Variants in ASCC2 observed in about 807,000 individuals in gnomAD.
The protein encoded by ASCC2 is ASC-1 complex subunit P100.
Under a neutral mutation model 93.5 loss-of-function variants are expected in ASCC2, and 42 were observed. That is an observed-to-expected ratio of 0.45 (90% CI 0.35 to 0.58). The LOEUF (loss-of-function observed/expected upper bound fraction) is 0.58, where lower values mean the gene tolerates loss of function less well. Among genes scored for constraint, ASCC2 ranks in the 20% least tolerant of loss-of-function variants. The pLI is 0.00. For synonymous variants in ASCC2, 364 were observed against 384.2 expected, an observed-to-expected ratio of 0.95 and a Z score of 0.62; for missense variants, 859 against 977.6, an observed-to-expected ratio of 0.88 and a Z score of 1.62.
chr22:29,827,899 G>GACACACACACACACAC (rs5844872), intron 2 of ASCC2, among the ~76,000 whole-genome samples: 1 of 39,968 alleles, frequency 2.5e-5, no homozygotes, highest in African/African-American at 1.1e-4. Context: ...TCATTCTTCT[G>GACACACACACACACAC]ACACACACAC....
chr22:29,825,038 A>G lies in ASCC2; in HGVS notation c.411+49T>C. 1 of 1,347,368 alleles carries G rather than the reference A, an allele frequency of 7.4e-7. No homozygotes were observed. Among genetic ancestry groups the G allele is most frequent in the Non-Finnish European group, 9.8e-7 (1 of 1,024,958 alleles). 83.5% of individuals were successfully genotyped at this position (1,347,368 alleles called of 1,614,324 possible). A position where few individuals can be genotyped will look rare whatever the true frequency, so the allele number is the denominator to read the frequency against. ...TTCCCAGGGGTGGAGAGCCCGGCAC[A>G]GAGGTGTCGAGTATCGGGTGATGAC... On this transcript the variant is annotated intron_variant, in intron 4 of 19. Coordinates refer to ENST00000307790, the MANE Select transcript of ASCC2 (RefSeq NM_032204.5). This position sits in a 1 kb window ranked among gnomAD's most constrained non-coding sequence, Gnocchi z 4.9.
At chr22:29,828,886 A>C (rs1372146851) in intron 2 of ASCC2, among the ~76,000 whole-genome samples, 1 of 152,190 alleles carries the variant, frequency 6.6e-6, no homozygotes, top group Non-Finnish European at 1.5e-5. Flanking sequence ...TTAATTTTTA[A>C]AATGTTGGCT....
At position 29,788,961 on chromosome 22, in the gene ASCC2, A is replaced by G. The variant is rs7954; in HGVS notation, c.*52T>C. The G allele has an allele frequency of 0.53, 846,300 of 1,609,170 alleles. 228,485 individuals carry two copies. The highest frequency in any genetic ancestry group is 0.72 in the East Asian group (32,037 of 44,800). On this transcript the variant is annotated 3_prime_UTR_variant, in exon 20 of 20. Transcript: ENST00000307790. ...TGAGGAGGCCCCAGGCGATGGGAGCACGGCCTGGTGAGTCTGGTGCCGCTG... is the reference window on the plus strand; with the variant it reads ...TGAGGAGGCCCCAGGCGATGGGAGCGCGGCCTGGTGAGTCTGGTGCCGCTG...
At chr22:29,832,915 A>AT (rs2063337887) in intron 1 of ASCC2, among the ~76,000 whole-genome samples, 1 of 151,946 alleles carries the variant, frequency 6.6e-6, no homozygotes, top group African/African-American at 2.4e-5. Context: ...TAATTTTTTA[A>AT]TTTTTTGTAG....
chr22:29,806,724 GA>G (rs2059716115), intron 10 of ASCC2, 72 bp downstream of exon 10: 1 of 1,480,262 alleles, frequency 6.8e-7, no homozygotes, highest in Non-Finnish European at 9.4e-7. Context: ...AAGCCAAGAT[GA>G]AATAATGGAA....
At chr22:29,821,551 GACATA>G (rs1273862397) in intron 5 of ASCC2, among the ~76,000 whole-genome samples, 1 of 152,224 alleles carries the variant, frequency 6.6e-6, no homozygotes, top group African/African-American at 2.4e-5. Context: ...GGATCCAATT[GACATA>G]ACATATGTGG....
intron 2 of ASCC2, among the ~76,000 whole-genome samples, chr22:29,829,604 C>G (rs189481773): frequency 1.8e-4 from 27 of 152,014 alleles, no homozygotes; most frequent in African/African-American, 6.3e-4. Flanking sequence ...GAGGCTGATG[C>G]AGAAGAATCA....
intron 15 of ASCC2, among the ~76,000 whole-genome samples, chr22:29,796,868 A>G (rs1427340265): frequency 6.6e-6 from 1 of 152,090 alleles, no homozygotes; most frequent in Non-Finnish European, 1.5e-5. Flanking sequence ...TTTCTGCTAC[A>G]CCTTCGGCTT....
intron 12 of ASCC2, 137 bp from the exon 13 acceptor site, chr22:29,804,967 G>T: frequency 2.3e-6 from 2 of 858,826 alleles, no homozygotes; most frequent in Non-Finnish European, 1.8e-6. Context: ...ATAGCCCACG[G>T]GCACCTGGGC....
chr22:29,804,535 C>T, intron 13 of ASCC2, 103 bp downstream of exon 13: 1 of 1,453,098 alleles, frequency 6.9e-7, no homozygotes, highest in Non-Finnish European at 9.3e-7. Flanking sequence ...AACTTTTTCC[C>T]TGAGTATAAA....
intron 14 of ASCC2, 90 bp downstream of exon 14, chr22:29,801,904 T>C (rs972488225): frequency 1.1e-5 from 12 of 1,104,824 alleles, no homozygotes; most frequent in Non-Finnish European, 1.5e-5. Context: ...AGCTGAGTCC[T>C]GGGCCATGAA....
intron 15 of ASCC2, among the ~76,000 whole-genome samples, chr22:29,796,468 CT>C (rs2058456480): frequency 6.6e-6 from 1 of 152,062 alleles, no homozygotes; most frequent in South Asian, 2.1e-4. Flanking sequence ...AGGGAATGAA[CT>C]TGGTTCAGGA....
At chr22:29,822,165 A>T in intron 5 of ASCC2, 170 bp downstream of exon 5, 3 of 772,286 alleles carry the variant, frequency 3.9e-6, no homozygotes, top group Non-Finnish European at 6.3e-6. Flanking sequence ...TAGTGTCACT[A>T]CCTAGTCATT....
chr22:29,794,440 C>T (rs5997524), intron 15 of ASCC2, among the ~76,000 whole-genome samples: 21,298 of 151,704 alleles, frequency 0.14, 2,568 homozygotes, highest in African/African-American at 0.33. Flanking sequence ...TGCAGTGAGC[C>T]GAGATCACGC....
At chr22:29,830,917 G>A (rs2063060986) in intron 2 of ASCC2, among the ~76,000 whole-genome samples, 1 of 152,172 alleles carries the variant, frequency 6.6e-6, no homozygotes, top group Admixed American at 6.5e-5. Context: ...ATGTTCATTC[G>A]GTATGTGGGG....
chr22:29,824,730 T>G (rs1165219582), intron 4 of ASCC2, among the ~76,000 whole-genome samples: 2 of 149,950 alleles, frequency 1.3e-5, no homozygotes, highest in African/African-American at 2.5e-5. Context: ...AGCAGTATTA[T>G]TTTTAAAGTC....
At chr22:29,812,739 G>A (rs528320206) in intron 8 of ASCC2, among the ~76,000 whole-genome samples, 2 of 152,218 alleles carry the variant, frequency 1.3e-5, no homozygotes, top group Admixed American at 6.5e-5. Flanking sequence ...CCTGCTATGG[G>A]AACTTTTCTT....
At chr22:29,829,362 G>A (rs929764506) in intron 2 of ASCC2, among the ~76,000 whole-genome samples, 3 of 152,136 alleles carry the variant, frequency 2.0e-5, no homozygotes, top group Non-Finnish European at 2.9e-5. Flanking sequence ...CCAGCATTCC[G>A]AGTCTATAGA....
At position 29,788,825 on chromosome 22, in the gene ASCC2, T is replaced by G; in HGVS notation, c.*188A>C. The G allele has an allele frequency of 3.0e-6, 2 of 659,586 alleles. No individual in the cohort carries two copies. The highest frequency in any genetic ancestry group is 1.9e-5 in the South Asian group (1 of 53,586). The allele number at this position is 659,586 out of a possible 1,614,324, so 40.9% of individuals were successfully genotyped here. ...ATTCTTCGGCTGTGGCATAAGGCACTGTGTGTTCTGCAGGAAGGCGCTCAT... is the reference window on the plus strand; with the variant it reads ...ATTCTTCGGCTGTGGCATAAGGCACGGTGTGTTCTGCAGGAAGGCGCTCAT... On this transcript the variant is annotated 3_prime_UTR_variant, in exon 20 of 20. Transcript: ENST00000307790.
Sources: allele counts gnomAD v4.1 joint callset (sites outside exome capture counted in the v4.1 genomes callset), GRCh38; gene constraint gnomAD v4.1.1; non-coding constraint Gnocchi (gnomAD v3.1); transcripts MANE v1.5; gene names NCBI Gene and HGNC (gene_info 2026-07-23, HGNC 2026-07-21).